SIK3: variants seen among roughly 807,000 people sequenced by gnomAD.
SIK3 encodes the protein serine/threonine-protein kinase SIK3.
A neutral mutation model predicts 144.2 loss-of-function variants in SIK3; 28 were observed. The observed-to-expected ratio is 0.19, with a 90% CI of 0.14 to 0.27. The LOEUF (loss-of-function observed/expected upper bound fraction) is 0.27. Among genes scored for constraint, SIK3 ranks in the 10% least tolerant of loss-of-function variants. The pLI is 1.00. For synonymous variants in SIK3, 686 were observed against 676.3 expected (o/e 1.01, Z -0.22); for missense variants, 1,319 against 1,776.0 (o/e 0.74, Z 4.62).
rs2134262107 is a variant in SIK3 at position 116,846,271 on chromosome 11, G to A, written c.*13+112C>T. The A allele has an allele frequency of 9.3e-7, 1 of 1,079,326 alleles. No individual in the cohort carries two copies. Among genetic ancestry groups the A allele is most frequent in the Admixed American group, 2.2e-5 (1 of 44,620 alleles). 66.9% of individuals were successfully genotyped at this position (1,079,326 alleles called of 1,614,324 possible). A position where few individuals can be genotyped will look rare whatever the true frequency, so the allele number is the denominator to read the frequency against. ...CTGTGAAGGCCACGAGGGGAGGCGT[G>A]GTACTGTCGACTGCACTGGCCACCA... On this transcript the variant is annotated intron_variant, in intron 24 of 24. Coordinates refer to ENST00000445177, the MANE Select transcript of SIK3 (RefSeq NM_001366686.3). This position sits in a 1 kb window ranked among gnomAD's most constrained non-coding sequence, Gnocchi z 4.1.
rs374950784 is a variant in SIK3, at chr11:117,040,186, A to G, written c.273+57957T>C. 9.1e-4 allele frequency among the ~76,000 whole-genome samples: 139 copies of G among 152,332 alleles called. No homozygotes were observed. The Middle Eastern group carries it at 0.014, about 15-fold the overall frequency. ...TCATTTGTTCATTCAAATCTCACTGAGCACCTATCATAGCAAGCAGTACTG... is the reference window on the plus strand; with the variant it reads ...TCATTTGTTCATTCAAATCTCACTGGGCACCTATCATAGCAAGCAGTACTG... On this transcript the variant is annotated intron_variant, in intron 1 of 24. Transcript: ENST00000445177.
chr11:117,027,427 CTTTTTTTTTCT>C (rs1166943891), intron 1 of SIK3, among the ~76,000 whole-genome samples: 1 of 89,248 alleles, frequency 1.1e-5, no homozygotes, highest in Admixed American at 1.1e-4. Flanking sequence ...AGGCTGTTTT[CTTTTTTTTTCT>C]TTTTTTTATA....
At chr11:116,895,243 G>A (rs150043713) in intron 6 of SIK3, among the ~76,000 whole-genome samples, 6 of 152,000 alleles carry the variant, frequency 3.9e-5, no homozygotes, top group Admixed American at 2.0e-4. Context: ...CGGCCTCTGC[G>A]CTGACCCCTC....
intron 3 of SIK3, among the ~76,000 whole-genome samples, chr11:116,950,430 A>G (rs998739255): frequency 6.6e-6 from 1 of 152,226 alleles, no homozygotes; most frequent in Non-Finnish European, 1.5e-5. Context: ...CTAGGTTGTT[A>G]TCTGACCTGA....
At chr11:116,911,936 A>G (rs1199740038) in intron 4 of SIK3, among the ~76,000 whole-genome samples, 2 of 152,218 alleles carry the variant, frequency 1.3e-5, no homozygotes, top group African/African-American at 4.8e-5. Flanking sequence ...ACGGAAGAAC[A>G]GGGAGAAACA....
chr11:116,994,687 C>T (rs957937272), intron 1 of SIK3, among the ~76,000 whole-genome samples: 10 of 152,168 alleles, frequency 6.6e-5, no homozygotes, highest in Admixed American at 4.6e-4. Flanking sequence ...GACTAAACTG[C>T]GACAAACACT....
chr11:116,884,838 C>CTTAA (rs967214189), intron 6 of SIK3, among the ~76,000 whole-genome samples: 10 of 152,070 alleles, frequency 6.6e-5, no homozygotes, highest in Non-Finnish European at 1.3e-4. Context: ...TGGAACTTAA[C>CTTAA]CTATGACAGC....
At chr11:117,021,412 C>T (rs1038967835) in intron 1 of SIK3, among the ~76,000 whole-genome samples, 2 of 152,108 alleles carry the variant, frequency 1.3e-5, no homozygotes, top group Non-Finnish European at 2.9e-5. Flanking sequence ...CCCACTCTTT[C>T]CACAGAATTT....
At chr11:116,856,168 G>A (rs868566646) in intron 21 of SIK3, among the ~76,000 whole-genome samples, 1 of 145,414 alleles carries the variant, frequency 6.9e-6, no homozygotes, top group East Asian at 2.0e-4. Context: ...CTGCACTCCA[G>A]CCTGGGTGAC....
chr11:117,036,852 A>C (rs1311063333), intron 1 of SIK3, among the ~76,000 whole-genome samples: 1 of 152,262 alleles, frequency 6.6e-6, no homozygotes, highest in African/African-American at 2.4e-5. Context: ...TTCATTAAGA[A>C]ATAAATCCCT....
intron 4 of SIK3, among the ~76,000 whole-genome samples, chr11:116,917,736 A>G (rs1378743189): frequency 1.6e-5 from 2 of 127,328 alleles, no homozygotes; most frequent in Non-Finnish European, 3.4e-5. Context: ...GAAGGGAAAG[A>G]GAGAGAGAGA....
At chr11:117,048,935 T>C (rs1320364664) in intron 1 of SIK3, among the ~76,000 whole-genome samples, 1 of 152,088 alleles carries the variant, frequency 6.6e-6, no homozygotes, top group African/African-American at 2.4e-5. Context: ...ACCCCGTCTC[T>C]GCTAAAAATA....
intron 1 of SIK3, among the ~76,000 whole-genome samples, chr11:116,992,094 C>A (rs999158954): frequency 6.6e-6 from 1 of 152,018 alleles, no homozygotes; most frequent in Non-Finnish European, 1.5e-5. Context: ...GAGGCCAAAG[C>A]GGGCAGAACA....
chr11:116,946,853 C>G (rs1428556902), intron 3 of SIK3, among the ~76,000 whole-genome samples: 1 of 152,014 alleles, frequency 6.6e-6, no homozygotes, highest in East Asian at 1.9e-4. Context: ...CGTTGGCTCA[C>G]GCCTGTAATC....
At chr11:116,977,913 A>G (rs754006526) in intron 1 of SIK3, among the ~76,000 whole-genome samples, 2 of 152,248 alleles carry the variant, frequency 1.3e-5, no homozygotes, top group Non-Finnish European at 2.9e-5. Context: ...GCATGTACCA[A>G]AAGATTAAGA....
intron 1 of SIK3, among the ~76,000 whole-genome samples, chr11:116,997,355 A>G (rs565338369): frequency 2.6e-5 from 4 of 152,356 alleles, no homozygotes; most frequent in South Asian, 2.1e-4. Context: ...AGAAGACCCC[A>G]AACAGCTGAC....
intron 1 of SIK3, among the ~76,000 whole-genome samples, chr11:117,009,116 T>G (rs1040543383): frequency 2.0e-5 from 3 of 151,142 alleles, no homozygotes; most frequent in Non-Finnish European, 4.4e-5. Context: ...GCGCCTGTAA[T>G]CCCAGCTACT....
intron 3 of SIK3, among the ~76,000 whole-genome samples, chr11:116,943,610 C>T (rs1400891641): frequency 1.3e-5 from 2 of 152,136 alleles, no homozygotes; most frequent in Non-Finnish European, 1.5e-5. Flanking sequence ...TAGTCTATTG[C>T]GCCCTCCACT....
intron 1 of SIK3, among the ~76,000 whole-genome samples, chr11:117,075,536 AT>A (rs148428202): frequency 0.076 from 10,771 of 141,560 alleles, 475 homozygotes; most frequent in Middle Eastern, 0.12. Flanking sequence ...GTTATTGATT[AT>A]TTTTTTTTCT....
Sources: gnomAD v4.1 joint callset for allele counts (sites outside exome capture counted in the v4.1 genomes callset) on GRCh38, gnomAD v4.1.1 for gene constraint, Gnocchi (gnomAD v3.1) non-coding constraint, MANE v1.5 for transcripts, NCBI Gene and HGNC (gene_info 2026-07-23, HGNC 2026-07-21) for gene names.